The following CCDC178 variants were observed in gnomAD, a reference collection of about 807,000 sequenced individuals.
CCDC178 encodes the protein coiled-coil domain-containing protein 178.
CCDC178 carries 126 observed loss-of-function variants against 117.4 expected under a neutral mutation model. The observed-to-expected ratio is 1.07, with a 90% confidence interval of 0.93 to 1.24. The LOEUF is 1.24. Ranked by LOEUF, CCDC178 falls within the 50% of genes most tolerant of loss-of-function variation. The probability of loss-of-function intolerance (pLI) is 0.00; values close to 1 mark genes in which losing one functional copy is unlikely to be tolerated. For synonymous variants in CCDC178, 283 were observed against 313.4 expected (o/e 0.90, Z 1.02); for missense variants, 1,030 against 986.9 (o/e 1.04, Z -0.59).
At chr18:33,326,339 T>C (rs2062584370) in intron 10 of CCDC178, among the ~76,000 whole-genome samples, 1 of 152,092 alleles carries the variant, frequency 6.6e-6, no homozygotes, top group Non-Finnish European at 1.5e-5. Context: ...GTGTGGAATG[T>C]GAGGGCCCAG....
At chr18:33,405,128 A>C (rs2063763084) in intron 3 of CCDC178, among the ~76,000 whole-genome samples, 1 of 152,046 alleles carries the variant, frequency 6.6e-6, no homozygotes, top group Non-Finnish European at 1.5e-5. Flanking sequence ...TAATTTTAAA[A>C]AGCTAAACAC....
chr18:33,195,939 A>T (rs544209334), intron 20 of CCDC178, among the ~76,000 whole-genome samples: 1 of 152,246 alleles, frequency 6.6e-6, no homozygotes, highest in African/African-American at 2.4e-5. Flanking sequence ...TTGAGTAATT[A>T]TTTGTGTAGA....
At chr18:33,225,087 T>C (rs1179113890) in intron 16 of CCDC178, 151 bp from the exon 17 acceptor site, 21 of 282,910 alleles carry the variant, frequency 7.4e-5, no homozygotes, top group Non-Finnish European at 5.6e-5. Flanking sequence ...GAATGTAATA[T>C]ATATTACATA....
intron 15 of CCDC178, among the ~76,000 whole-genome samples, chr18:33,239,742 A>G (rs570166277): frequency 1.3e-3 from 192 of 152,080 alleles, no homozygotes; most frequent in African/African-American, 4.5e-3. Flanking sequence ...AGAGAGATTG[A>G]TCTAATACAT....
At chr18:33,109,689 T>C (rs2057755738) in intron 20 of CCDC178, among the ~76,000 whole-genome samples, 1 of 151,588 alleles carries the variant, frequency 6.6e-6, no homozygotes, top group Non-Finnish European at 1.5e-5. Flanking sequence ...TTGGCTGTTT[T>C]TTATAATCAT....
chr18:33,293,170 G>C lies in CCDC178; in HGVS notation c.1165C>G (p.Leu389Val). Reference sequence around the variant, plus strand: ...TATGAAAAACTCACCATTTTTGATAGAGAATGTAATTCATTTTTTGATGAC... The same window carrying C: ...TATGAAAAACTCACCATTTTTGATACAGAATGTAATTCATTTTTTGATGAC... Reference protein sequence around the residue: ...TKSSKNELHSLSKMLEDLRRV... With the variant: ...TKSSKNELHSVSKMLEDLRRV... The change falls in exon 12 of 23, where the codon CTA becomes GTA. Residue 389 changes from leucine to valine, a missense_variant. By Grantham distance (32) the Leu-to-Val change is conservative (BLOSUM62 1). Transcript: ENST00000383096. 6.4e-7 allele frequency: 1 copy of C among 1,570,612 alleles called. No individual in the cohort carries two copies. Among genetic ancestry groups the C allele is most frequent in the Non-Finnish European group, 8.6e-7 (1 of 1,156,744 alleles).
intron 20 of CCDC178, among the ~76,000 whole-genome samples, chr18:33,200,373 C>G (rs2058978379): frequency 6.6e-6 from 1 of 152,198 alleles, no homozygotes; most frequent in Admixed American, 6.5e-5. Flanking sequence ...TAATGCGAAA[C>G]AGCAGTCCAG....
At position 33,245,325 on chromosome 18, in the gene CCDC178, T is replaced by C. The variant is rs1044738741; in HGVS notation, c.1513A>G (p.Ile505Val). Residue 505 changes from isoleucine (I) to valine (V), a missense_variant, in exon 15 of 23, where the codon ATT becomes GTT. Coordinates refer to ENST00000383096, the MANE Select transcript of CCDC178 (RefSeq NM_001105528.4). ...TTGGTTAGGTGGAAAAGAGTACCAA[T>C]GCGATAAGCCTCCTTATAGATGTTC... ...LKNIYKEAYR[I>V]GTLFHLTKHK... 1.2e-6 allele frequency: 2 copies of C among 1,609,880 alleles called. No individual in the cohort carries two copies. Among genetic ancestry groups the C allele is most frequent in the East Asian group, 2.2e-5 (1 of 44,676 alleles).
At chr18:33,096,622 T>C (rs1196661717) in intron 20 of CCDC178, among the ~76,000 whole-genome samples, 10 of 151,854 alleles carry the variant, frequency 6.6e-5, no homozygotes, top group Non-Finnish European at 1.5e-4. Flanking sequence ...CTAAAAAGAA[T>C]ATGCCACTTT....
chr18:33,405,059 T>C (rs1047280571), intron 3 of CCDC178, among the ~76,000 whole-genome samples: 6 of 152,044 alleles, frequency 3.9e-5, no homozygotes, highest in African/African-American at 1.4e-4. Context: ...AAACTTATAC[T>C]AAAAATTCTA....
At chr18:32,948,198 T>C (rs1162877220) in intron 22 of CCDC178, among the ~76,000 whole-genome samples, 2 of 152,130 alleles carry the variant, frequency 1.3e-5, no homozygotes, top group Non-Finnish European at 2.9e-5. Context: ...TCCATTTCCT[T>C]GTGGGTTTTA....
intron 18 of CCDC178, among the ~76,000 whole-genome samples, chr18:33,221,223 G>C (rs941317457): frequency 6.6e-6 from 1 of 152,162 alleles, no homozygotes; most frequent in East Asian, 1.9e-4. Context: ...TCATGCAGAA[G>C]ACAACAGCAT....
intron 21 of CCDC178, among the ~76,000 whole-genome samples, chr18:33,056,085 A>C (rs2056825832): frequency 6.6e-6 from 1 of 152,196 alleles, no homozygotes; most frequent in Non-Finnish European, 1.5e-5. Context: ...TTACGGTGTG[A>C]GCCACTGCAC....
intron 9 of CCDC178, among the ~76,000 whole-genome samples, chr18:33,345,408 T>G (rs2062878381): frequency 6.6e-6 from 1 of 152,210 alleles, no homozygotes; most frequent in Non-Finnish European, 1.5e-5. Flanking sequence ...TTTCCTTTTT[T>G]ACCTTTCGTT....
At chr18:32,992,402 T>C (rs1720070921) in intron 21 of CCDC178, among the ~76,000 whole-genome samples, 1 of 152,170 alleles carries the variant, frequency 6.6e-6, no homozygotes, top group South Asian at 2.1e-4. Flanking sequence ...CAAAACTATA[T>C]GTGGTCAGTC....
At chr18:33,404,454 T>A (rs2063754203) in intron 3 of CCDC178, among the ~76,000 whole-genome samples, 1 of 151,730 alleles carries the variant, frequency 6.6e-6, no homozygotes, top group South Asian at 2.1e-4. Flanking sequence ...ACCAAGAAAC[T>A]AATAACTGTT....
intron 9 of CCDC178, among the ~76,000 whole-genome samples, chr18:33,334,496 T>A (rs1479311205): frequency 6.6e-6 from 1 of 152,042 alleles, no homozygotes; most frequent in Non-Finnish European, 1.5e-5. Flanking sequence ...TATTTTAACT[T>A]TCTGGCATTA....
At chr18:33,411,864 C>T (rs2063859568) in intron 3 of CCDC178, among the ~76,000 whole-genome samples, 167 bp downstream of exon 3, 1 of 152,110 alleles carries the variant, frequency 6.6e-6, no homozygotes, top group Non-Finnish European at 1.5e-5. Context: ...GTTACGCTGA[C>T]TCACTCTTTT....
At chr18:33,277,166 C>G (rs1382328951) in intron 12 of CCDC178, among the ~76,000 whole-genome samples, 1 of 152,026 alleles carries the variant, frequency 6.6e-6, no homozygotes, top group African/African-American at 2.4e-5. Context: ...ATTAGTGTCT[C>G]TAATTGCAGA....
Sources: allele counts gnomAD v4.1 joint callset (sites outside exome capture counted in the v4.1 genomes callset), GRCh38; gene constraint gnomAD v4.1.1; transcripts MANE v1.5; gene names NCBI Gene and HGNC (gene_info 2026-07-23, HGNC 2026-07-21).